DOCK9: variants seen among roughly 807,000 people sequenced by gnomAD.
DOCK9 encodes the protein dedicator of cytokinesis protein 9.
In DOCK9, 89 loss-of-function variants were observed where a neutral mutation model predicts 263.3. The ratio of observed to expected loss-of-function variants is 0.34; its 90% confidence interval spans 0.28 to 0.40. The LOEUF (loss-of-function observed/expected upper bound fraction) is 0.40, where lower values mean the gene tolerates loss of function less well. DOCK9 is among the 10% of genes least tolerant of loss of function. The pLI, the probability that DOCK9 is intolerant of heterozygous loss-of-function variation, is 1.00. For missense variants in DOCK9, 2,140 were observed against 2,603.4 expected (o/e 0.82, Z 3.87); for synonymous variants, 976 against 973.1 (o/e 1.00, Z -0.06).
chr13:99,047,712 G>A (rs968388788), intron 1 of DOCK9, among the ~76,000 whole-genome samples: 4 of 151,470 alleles, frequency 2.6e-5, no homozygotes, highest in Non-Finnish European at 5.9e-5. Context: ...TAGTAGAGAC[G>A]GGGTTTCACC....
At chr13:99,036,058 G>A (rs1464325362) in intron 1 of DOCK9, among the ~76,000 whole-genome samples, 1 of 152,030 alleles carries the variant, frequency 6.6e-6, no homozygotes, top group Non-Finnish European at 1.5e-5. Context: ...CCCTAGCCTC[G>A]CAATTTTGGA....
intron 1 of DOCK9, among the ~76,000 whole-genome samples, chr13:99,070,973 TGTATA>T (rs1431757482): frequency 4.6e-5 from 7 of 152,232 alleles, no homozygotes; most frequent in Non-Finnish European, 8.8e-5. Flanking sequence ...TAAATAGTTC[TGTATA>T]TTACAGTTAA....
chr13:98,959,011 T>G (rs2058363902), intron 1 of DOCK9, among the ~76,000 whole-genome samples: 2 of 152,216 alleles, frequency 1.3e-5, no homozygotes, highest in South Asian at 2.1e-4. Context: ...CTTCCTTTTG[T>G]GTGACAAAGT....
chr13:98,950,319 T>C, intron 2 of DOCK9: 1 of 814,044 alleles, frequency 1.2e-6, no homozygotes, highest in Admixed American at 2.2e-5. Context: ...TGAGCTGTTT[T>C]CCTTTCTTCT....
chr13:99,027,756 T>C (rs1886917539), intron 1 of DOCK9, among the ~76,000 whole-genome samples: 1 of 152,056 alleles, frequency 6.6e-6, no homozygotes, highest in South Asian at 2.1e-4. Flanking sequence ...GAAAGTGGTA[T>C]AGCTCACGGA....
At chr13:98,967,882 T>G (rs1229126918) in intron 1 of DOCK9, among the ~76,000 whole-genome samples, 1 of 152,226 alleles carries the variant, frequency 6.6e-6, no homozygotes, top group African/African-American at 2.4e-5. Flanking sequence ...TTAAGTAGTA[T>G]GTAATTTATA....
chr13:98,853,739 C>T (rs945315793), intron 34 of DOCK9, among the ~76,000 whole-genome samples: 7 of 152,096 alleles, frequency 4.6e-5, no homozygotes, highest in African/African-American at 9.7e-5. Flanking sequence ...CTCCTCAGCA[C>T]GCTCTCCTGA....
In DOCK9 at chr13:98,825,217, C is replaced by T. The variant is rs1309562042; in HGVS notation, c.5024-713G>A. On this transcript the variant is annotated intron_variant, in intron 44 of 52. Coordinates refer to ENST00000682017, the MANE Select transcript of DOCK9 (RefSeq NM_001366683.2). The surrounding 1 kb of genome is among the most constrained non-coding windows in gnomAD (Gnocchi z 4.1). Reference sequence around the variant, plus strand: ...CAGCCCATTTGGGACCTTTCCTCGTCTTAGAGTCACTGGAAAACAGCTTTA... The same window carrying T: ...CAGCCCATTTGGGACCTTTCCTCGTTTTAGAGTCACTGGAAAACAGCTTTA... 2.6e-5 allele frequency among the ~76,000 whole-genome samples: 4 copies of T among 152,194 alleles called. No homozygotes were observed. The highest frequency in any genetic ancestry group is 6.5e-5 in the Admixed American group (1 of 15,284).
intron 45 of DOCK9, among the ~76,000 whole-genome samples, chr13:98,823,882 T>C (rs1566609281): frequency 6.6e-6 from 1 of 152,132 alleles, no homozygotes; most frequent in African/African-American, 2.4e-5. Context: ...GTGGTCCTGT[T>C]TCCTAAGGGC....
intron 4 of DOCK9, among the ~76,000 whole-genome samples, chr13:98,925,093 G>T (rs909966543): frequency 6.6e-6 from 1 of 152,098 alleles, no homozygotes; most frequent in Non-Finnish European, 1.5e-5. Context: ...GAACTTGGGA[G>T]GTGGAGGTTG....
At chr13:98,994,193 C>T (rs1174601500) in intron 1 of DOCK9, among the ~76,000 whole-genome samples, 1 of 152,222 alleles carries the variant, frequency 6.6e-6, no homozygotes, top group Non-Finnish European at 1.5e-5. Context: ...AGCTGGGGTG[C>T]CTACCATCTC....
chr13:98,945,873 G>T (rs1318145854), intron 2 of DOCK9, among the ~76,000 whole-genome samples: 2 of 152,218 alleles, frequency 1.3e-5, no homozygotes, highest in Non-Finnish European at 2.9e-5. Flanking sequence ...GAGAAAAAAA[G>T]AAATCAGAGC....
intron 45 of DOCK9, among the ~76,000 whole-genome samples, chr13:98,816,212 T>C (rs1414654672): frequency 6.6e-6 from 1 of 152,190 alleles, no homozygotes; most frequent in Non-Finnish European, 1.5e-5. Flanking sequence ...AGGTTTTGGA[T>C]GGTCTATTAG....
At chr13:98,880,498 T>A (rs753591561) in intron 26 of DOCK9, 49 bp downstream of exon 26, 1 of 1,611,868 alleles carries the variant, frequency 6.2e-7, no homozygotes. Context: ...GTGGAGTGAA[T>A]TCCTGTTAAT....
At chr13:99,077,241 T>C (rs926246357) in intron 1 of DOCK9, among the ~76,000 whole-genome samples, 4 of 152,188 alleles carry the variant, frequency 2.6e-5, no homozygotes, top group Non-Finnish European at 5.9e-5. Flanking sequence ...CCCTATGATA[T>C]GGTTTGGCTC....
At chr13:99,000,878 A>C (rs927580385) in intron 1 of DOCK9, among the ~76,000 whole-genome samples, 2 of 152,192 alleles carry the variant, frequency 1.3e-5, no homozygotes, top group African/African-American at 4.8e-5. Context: ...GAAACTGTTA[A>C]GTTCTGGCAG....
intron 52 of DOCK9, 112 bp from the exon 53 acceptor site, chr13:98,794,860 T>A: frequency 8.1e-7 from 1 of 1,228,532 alleles, no homozygotes; most frequent in Non-Finnish European, 1.2e-6. Flanking sequence ...TTACAGAGTT[T>A]AAGGCAATGT....
At chr13:98,818,795 C>A (rs1051368858) in intron 45 of DOCK9, among the ~76,000 whole-genome samples, 8 of 152,060 alleles carry the variant, frequency 5.3e-5, no homozygotes, top group Non-Finnish European at 8.8e-5. Context: ...CAATTGAAGG[C>A]ACTGAGCATC....
At chr13:98,942,005 A>AC (rs2055939718) in intron 2 of DOCK9, among the ~76,000 whole-genome samples, 1 of 152,218 alleles carries the variant, frequency 6.6e-6, no homozygotes, top group Non-Finnish European at 1.5e-5. Context: ...AGGAAGGTTT[A>AC]TCACTTATGA....
Sources: allele counts gnomAD v4.1 joint callset (sites outside exome capture counted in the v4.1 genomes callset), GRCh38; gene constraint gnomAD v4.1.1; non-coding constraint Gnocchi (gnomAD v3.1); transcripts MANE v1.5; gene names NCBI Gene and HGNC (gene_info 2026-07-23, HGNC 2026-07-21).